Variants in PSG2 observed in about 807,000 individuals in gnomAD.
PSG2 encodes pregnancy-specific beta-1-glycoprotein 2.
In PSG2, 49 loss-of-function variants were observed where a neutral mutation model predicts 36.2. The ratio of observed to expected loss-of-function variants is 1.35; its 90% CI spans 1.08 to 1.72. The LOEUF (loss-of-function observed/expected upper bound fraction) is 1.72, where lower values mean the gene tolerates loss of function less well. Among genes scored for constraint, PSG2 ranks in the 40% most tolerant of loss-of-function variants. The pLI is 0.00. For missense variants in PSG2, 605 were observed against 407.2 expected, an observed-to-expected ratio of 1.49 and a Z score of -4.18; for synonymous variants, 261 against 155.6, an observed-to-expected ratio of 1.68 and a Z score of -5.04.
At chr19:43,070,016 A>T (rs1296733384) in intron 4 of PSG2, among the ~76,000 whole-genome samples, 1 of 151,826 alleles carries the variant, frequency 6.6e-6, no homozygotes, top group Non-Finnish European at 1.5e-5. Flanking sequence ...CAATTAAAAA[A>T]TGAACAAAAG....
intron 4 of PSG2, among the ~76,000 whole-genome samples, chr19:43,068,141 G>T (rs1249752325): frequency 6.6e-6 from 1 of 151,396 alleles, no homozygotes; most frequent in African/African-American, 2.4e-5. Flanking sequence ...CCTAAAATCA[G>T]AAATGAAAAT....
At chr19:43,080,835 A>G (rs56806329) in intron 2 of PSG2, 46 bp downstream of exon 2, 171,145 of 1,601,650 alleles carry the variant, frequency 0.11, 11,531 homozygotes, top group Admixed American at 0.18. Context: ...TGAAGTAGAA[A>G]TGACCCCTGT....
chr19:43,076,457 C>G (rs1351483070), intron 2 of PSG2, among the ~76,000 whole-genome samples: 1 of 151,798 alleles, frequency 6.6e-6, no homozygotes, highest in African/African-American at 2.4e-5. Context: ...GCGAAACTGA[C>G]TGGTGGAAAG....
chr19:43,075,678 T>A, intron 2 of PSG2, 46 bp from the exon 3 acceptor site: 2 of 1,580,390 alleles, frequency 1.3e-6, no homozygotes, highest in Non-Finnish European at 1.7e-6. Flanking sequence ...GCACCTTTGA[T>A]TCCTCCAAAG....
At chr19:43,077,144 G>T (rs534835871) in intron 2 of PSG2, among the ~76,000 whole-genome samples, 4 of 151,632 alleles carry the variant, frequency 2.6e-5, no homozygotes, top group Non-Finnish European at 5.9e-5. Flanking sequence ...AAACATCTAA[G>T]ATCAATTGCT....
At chr19:43,066,424 G>C (rs141423516) in intron 5 of PSG2, 93 bp downstream of exon 5, 98,755 of 903,752 alleles carry the variant, frequency 0.11, 6,227 homozygotes, top group Admixed American at 0.18. Flanking sequence ...AGGAGGAGAT[G>C]CAGTCCCAGA....
chr19:43,076,356 T>C (rs899047957), intron 2 of PSG2, among the ~76,000 whole-genome samples: 2 of 151,736 alleles, frequency 1.3e-5, no homozygotes, highest in Admixed American at 6.6e-5. Context: ...CCATGTGCCC[T>C]GTTCTGGGTC....
chr19:43,077,186 G>T (rs1487531391), intron 2 of PSG2, among the ~76,000 whole-genome samples: 1 of 151,616 alleles, frequency 6.6e-6, no homozygotes, highest in African/African-American at 2.4e-5. Flanking sequence ...ACCAAAATAA[G>T]GTTTAGGTGT....
At chr19:43,069,553 G>A (rs1475697448) in intron 4 of PSG2, among the ~76,000 whole-genome samples, 2 of 151,668 alleles carry the variant, frequency 1.3e-5, no homozygotes, top group African/African-American at 2.4e-5. Flanking sequence ...AGAAATTCTT[G>A]CATATATGGC....
At chr19:43,067,189 T>A (rs1245458688) in intron 4 of PSG2, among the ~76,000 whole-genome samples, 1 of 151,364 alleles carries the variant, frequency 6.6e-6, no homozygotes, top group Non-Finnish European at 1.5e-5. Context: ...ACCTAAAACT[T>A]CTTTCTCTTT....
chr19:43,077,638 T>G (rs1371576290), intron 2 of PSG2, among the ~76,000 whole-genome samples: 1 of 151,750 alleles, frequency 6.6e-6, no homozygotes, highest in African/African-American at 2.4e-5. Flanking sequence ...AACCATCAGA[T>G]AGCACCCACC....
chr19:43,074,973 G>C (rs28735463), intron 3 of PSG2, among the ~76,000 whole-genome samples: 1 of 151,662 alleles, frequency 6.6e-6, no homozygotes, highest in African/African-American at 2.4e-5. Flanking sequence ...AGAGCATAAA[G>C]TCACAGGCAC....
intron 4 of PSG2, among the ~76,000 whole-genome samples, chr19:43,068,565 A>G (rs1880860155): frequency 6.6e-6 from 1 of 151,758 alleles, no homozygotes; most frequent in Non-Finnish European, 1.5e-5. Context: ...TATGCCAATA[A>G]ATTGGATAAC....
chr19:43,075,478 C>T lies in PSG2; in HGVS notation c.585G>A (p.Leu195=), dbSNP rs1158117126. The part of the protein sequence containing the change: ...QSLPMTHRFQ[L]SETNRTLFLF... ...GAAAGAGGGTCCTGTTGGTTTCGGA[C>T]AGCTGAAACCTATGAGTCATAGGGA... The change falls in exon 3 of 6, where the codon CTG becomes CTA. Residue 195 remains leucine, a synonymous_variant. Transcript: ENST00000406487. The T allele has an allele frequency of 1.2e-6, 2 of 1,613,096 alleles. No individual in the cohort carries two copies. The highest frequency in any genetic ancestry group is 1.7e-6 in the Non-Finnish European group (2 of 1,179,700).
chr19:43,073,797 C>T (rs942750265), intron 3 of PSG2, among the ~76,000 whole-genome samples: 11 of 151,586 alleles, frequency 7.3e-5, no homozygotes, highest in Non-Finnish European at 1.5e-4. Flanking sequence ...ATTTCTTATG[C>T]ATAAGACTTA....
At chr19:43,074,834 C>T (rs1489831384) in intron 3 of PSG2, among the ~76,000 whole-genome samples, 3 of 151,658 alleles carry the variant, frequency 2.0e-5, no homozygotes, top group Non-Finnish European at 4.4e-5. Context: ...GCTGGAACTT[C>T]CCATCAATCA....
intron 2 of PSG2, among the ~76,000 whole-genome samples, chr19:43,079,286 G>A (rs2122916563): frequency 6.6e-6 from 1 of 151,526 alleles, no homozygotes; most frequent in Admixed American, 6.6e-5. Context: ...CCAGAACCAA[G>A]GAGCCCTGAG....
chr19:43,079,091 T>G (rs1967935818), intron 2 of PSG2, among the ~76,000 whole-genome samples: 1 of 150,894 alleles, frequency 6.6e-6, no homozygotes, highest in Non-Finnish European at 1.5e-5. Flanking sequence ...TTAGAGGGAG[T>G]GTCTGGGGAA....
chr19:43,070,178 CAAT>C (rs1030990962), intron 4 of PSG2, among the ~76,000 whole-genome samples: 16 of 151,642 alleles, frequency 1.1e-4, no homozygotes, highest in Admixed American at 3.9e-4. Context: ...TAAACAACAA[CAAT>C]GACAGCAACA....
Sources: gnomAD v4.1 joint callset for allele counts (sites outside exome capture counted in the v4.1 genomes callset) on GRCh38, gnomAD v4.1.1 for gene constraint, MANE v1.5 for transcripts, NCBI Gene and HGNC (gene_info 2026-07-23, HGNC 2026-07-21) for gene names.